SPAG6: variants seen among roughly 807,000 people sequenced by gnomAD.
SPAG6 encodes sperm associated antigen 6, also known as sperm-associated antigen 6.
A neutral mutation model predicts 58.5 loss-of-function variants in SPAG6; 49 were observed. The observed-to-expected ratio is 0.84, with a 90% CI of 0.67 to 1.06. SPAG6 has a LOEUF of 1.06. Ranked by LOEUF, SPAG6 falls within the 50% of genes least tolerant of loss-of-function variation. SPAG6 has a pLI of 0.00. For synonymous variants in SPAG6, 233 were observed against 225.6 expected, an observed-to-expected ratio of 1.03 and a Z score of -0.29; for missense variants, 560 against 611.3, an observed-to-expected ratio of 0.92 and a Z score of 0.89.
chr10:22,376,848 G>T (rs569177297), intron 4 of SPAG6, among the ~76,000 whole-genome samples: 1 of 152,086 alleles, frequency 6.6e-6, no homozygotes, highest in South Asian at 2.1e-4. Flanking sequence ...ACTTTGGGAG[G>T]CCAAGGTGGG....
At chr10:22,399,007 C>A (rs1834354692) in intron 8 of SPAG6, among the ~76,000 whole-genome samples, 1 of 152,076 alleles carries the variant, frequency 6.6e-6, no homozygotes, top group South Asian at 2.1e-4. Context: ...TCAATAGACA[C>A]AGGGTTTCAC....
intron 2 of SPAG6, among the ~76,000 whole-genome samples, chr10:22,357,133 C>A (rs1223965350): frequency 1.3e-5 from 2 of 152,054 alleles, no homozygotes; most frequent in Non-Finnish European, 2.9e-5. Flanking sequence ...TCTCTCCATC[C>A]CCTCCAGTTT....
chr10:22,403,877 G>A (rs1834479540), intron 9 of SPAG6, among the ~76,000 whole-genome samples: 1 of 151,046 alleles, frequency 6.6e-6, no homozygotes, highest in African/African-American at 2.5e-5. Flanking sequence ...GCATTTCTCT[G>A]ATGGCCAGTG....
At chr10:22,397,377 A>G (rs1274509784) in intron 8 of SPAG6, among the ~76,000 whole-genome samples, 1 of 152,176 alleles carries the variant, frequency 6.6e-6, no homozygotes, top group African/African-American at 2.4e-5. Flanking sequence ...CAGTGGTGCA[A>G]TCTCAGCTTA....
At chr10:22,377,021 C>G (rs1332567631) in intron 4 of SPAG6, among the ~76,000 whole-genome samples, 1 of 151,750 alleles carries the variant, frequency 6.6e-6, no homozygotes, top group Non-Finnish European at 1.5e-5. Context: ...TATGATGGCG[C>G]CACTGCACTC....
chr10:22,407,516 C>T (rs1834590577), intron 9 of SPAG6, among the ~76,000 whole-genome samples: 1 of 152,238 alleles, frequency 6.6e-6, no homozygotes, highest in Non-Finnish European at 1.5e-5. Context: ...AGCTGTTAGT[C>T]TGATGGGCTT....
At chr10:22,371,626 G>C (rs1320198791) in intron 4 of SPAG6, among the ~76,000 whole-genome samples, 2 of 152,026 alleles carry the variant, frequency 1.3e-5, no homozygotes, top group Non-Finnish European at 2.9e-5. Flanking sequence ...AATATATTGA[G>C]ATTAATGAAT....
At chr10:22,359,400 T>G (rs1482585371) in intron 2 of SPAG6, 1 of 337,770 alleles carries the variant, frequency 3.0e-6, no homozygotes, top group African/African-American at 2.2e-5. Context: ...AATTTATGAT[T>G]TTTTTTTGAG....
chr10:22,411,967 G>A (rs899086387), intron 10 of SPAG6, among the ~76,000 whole-genome samples: 2 of 149,674 alleles, frequency 1.3e-5, no homozygotes, highest in Non-Finnish European at 3.0e-5. Flanking sequence ...TCCTGCGTCG[G>A]CCTCCCGAGT....
chr10:22,389,207 C>A lies in SPAG6; in HGVS notation c.900C>A (p.Asp300Glu). 1 of 1,613,464 alleles carries A rather than the reference C, an allele frequency of 6.2e-7. No homozygotes were observed. Among genetic ancestry groups the A allele is most frequent in the South Asian group, 1.1e-5 (1 of 91,046 alleles). ...VNAGGVAAVI[D>E]CIGSCKGNTR... ...CAGGAGGGGTTGCTGCCGTGATTGA[C>A]TGCATTGGGTCCTGCAAAGGGAACA... Residue 300 changes from aspartate to glutamate, a missense_variant, in exon 7 of 11, where the codon GAC becomes GAA. Physicochemically the swap from Asp to Glu is conservative, Grantham distance 45. Coordinates refer to ENST00000376624, the MANE Select transcript of SPAG6 (RefSeq NM_012443.4).
chr10:22,404,038 C>T (rs1834484049), intron 9 of SPAG6, among the ~76,000 whole-genome samples: 1 of 137,964 alleles, frequency 7.2e-6, no homozygotes, highest in Non-Finnish European at 1.6e-5. Context: ...GATATTAGCC[C>T]TTTGTCAGAT....
At chr10:22,351,668 A>G (rs115020014) in intron 2 of SPAG6, among the ~76,000 whole-genome samples, 2,972 of 152,198 alleles carry the variant, frequency 0.02, 89 homozygotes, top group African/African-American at 0.067. Context: ...TGGGATTTCT[A>G]TTGAGTGGTT....
intron 10 of SPAG6, among the ~76,000 whole-genome samples, chr10:22,413,409 T>C (rs1834791705): frequency 6.6e-6 from 1 of 151,996 alleles, no homozygotes. Context: ...GGCGGGCGCC[T>C]GTAGTCCCAG....
At chr10:22,355,001 A>C (rs1027119879) in intron 2 of SPAG6, among the ~76,000 whole-genome samples, 4 of 152,214 alleles carry the variant, frequency 2.6e-5, no homozygotes, top group Non-Finnish European at 5.9e-5. Context: ...CTCAAAAAAA[A>C]AAAAAAAGAG....
chr10:22,401,408 G>T (rs1834412042), intron 9 of SPAG6, 131 bp downstream of exon 9: 8 of 634,184 alleles, frequency 1.3e-5, no homozygotes, highest in Non-Finnish European at 2.2e-5. Context: ...TCACCAATCT[G>T]TATGGACAGA....
intron 10 of SPAG6, among the ~76,000 whole-genome samples, chr10:22,413,450 G>T (rs945243281): frequency 2.6e-5 from 4 of 151,844 alleles, no homozygotes; most frequent in Non-Finnish European, 5.9e-5. Context: ...GGAGAATGGC[G>T]TGAACCTGGG....
chr10:22,368,933 CGGGTGGGA>C (rs1837271351), intron 4 of SPAG6, among the ~76,000 whole-genome samples: 2 of 151,708 alleles, frequency 1.3e-5, no homozygotes, highest in Non-Finnish European at 2.9e-5. Context: ...GGGGTGGCAG[CGGGTGGGA>C]GAGTAGGCTT....
chr10:22,396,580 A>T (rs1455163917), intron 8 of SPAG6, among the ~76,000 whole-genome samples: 1 of 152,238 alleles, frequency 6.6e-6, no homozygotes, highest in Non-Finnish European at 1.5e-5. Context: ...CACTAAGGAA[A>T]GCAACAATTA....
intron 8 of SPAG6, among the ~76,000 whole-genome samples, chr10:22,395,223 T>C (rs1834268230): frequency 6.6e-6 from 1 of 152,202 alleles, no homozygotes; most frequent in Non-Finnish European, 1.5e-5. Context: ...GTAACAAGTT[T>C]TCGTGTGGAT....
Sources: allele counts gnomAD v4.1 joint callset (sites outside exome capture counted in the v4.1 genomes callset), GRCh38; gene constraint gnomAD v4.1.1; transcripts MANE v1.5; gene names NCBI Gene and HGNC (gene_info 2026-07-23, HGNC 2026-07-21).